IL22RA1: variants seen among roughly 807,000 people sequenced by gnomAD.
The protein encoded by IL22RA1 is interleukin 22 receptor subunit alpha 1, also known as interleukin-22 receptor subunit alpha-1.
A neutral mutation model predicts 32.8 loss-of-function variants in IL22RA1; 25 were observed. The ratio of observed to expected loss-of-function variants is 0.76; its 90% CI spans 0.55 to 1.06. IL22RA1 has a LOEUF of 1.06. Ranked by LOEUF, IL22RA1 falls within the 50% of genes least tolerant of loss-of-function variation. The probability of loss-of-function intolerance (pLI) is 0.00; values close to 1 mark genes in which losing one functional copy is unlikely to be tolerated. For synonymous variants in IL22RA1, 305 were observed against 305.0 expected (o/e 1.00, Z 0.00); for missense variants, 709 against 727.4 (o/e 0.97, Z 0.29).
Position 24,123,371 on chromosome 1 carries a change from G to A in IL22RA1, c.723C>T (p.Phe241=). 2 of 1,614,112 alleles carry A rather than the reference G, an allele frequency of 1.2e-6. No homozygotes were observed. Among genetic ancestry groups the A allele is most frequent in the Non-Finnish European group, 1.7e-6 (2 of 1,180,010 alleles). ...TCAGGTAGCAGAGTACTGCGACGAG[G>A]AAGCCCATGGAGAACAGGAAGGCTC... The part of the protein sequence containing the change: ...FSGAFLFSMG[F]LVAVLCYLSY... The change falls in exon 6 of 7, where the codon TTC becomes TTT. Residue 241 remains phenylalanine (F), a synonymous_variant. Transcript: ENST00000270800.
At chr1:24,138,443 G>A in intron 2 of IL22RA1, 139 bp downstream of exon 2, 1 of 876,534 alleles carries the variant, frequency 1.1e-6, no homozygotes, top group Admixed American at 2.6e-5. Flanking sequence ...AAACATAAAG[G>A]AGCAAAGCTT....
At position 24,121,638 on chromosome 1, in the gene IL22RA1, G is replaced by T; in HGVS notation, c.892C>A (p.Pro298Thr). ...ACCCTGATCTGGGAGTACTGGACAGGCTGGGCCAGACTGCTGGGGCCGCTG... is the reference window on the plus strand; with the variant it reads ...ACCCTGATCTGGGAGTACTGGACAGTCTGGGCCAGACTGCTGGGGCCGCTG... ...DLSGPSSLAQPVQYSQIRVSG... is the reference protein window; with the variant it reads ...DLSGPSSLAQTVQYSQIRVSG... The change falls in exon 7 of 7, where the codon CCT (proline) becomes ACT (threonine). Residue 298 changes from proline (P) to threonine (T), a missense_variant. Transcript: ENST00000270800. The T allele has an allele frequency of 6.2e-7, 1 of 1,612,050 alleles. No individual in the cohort carries two copies. Among genetic ancestry groups the T allele is most frequent in the Non-Finnish European group, 8.5e-7 (1 of 1,178,632 alleles).
At chr1:24,142,767 A>T (rs1179716722) in intron 1 of IL22RA1, among the ~76,000 whole-genome samples, 1 of 152,206 alleles carries the variant, frequency 6.6e-6, no homozygotes, top group Non-Finnish European at 1.5e-5. Context: ...GCAGCGATCC[A>T]GCACCCCCAG....
At chr1:24,141,932 A>G (rs1644283718) in intron 1 of IL22RA1, among the ~76,000 whole-genome samples, 1 of 152,222 alleles carries the variant, frequency 6.6e-6, no homozygotes, top group Non-Finnish European at 1.5e-5. Context: ...GAGTCAGCCT[A>G]AGATTGGGGG....
chr1:24,126,517 T>C (rs1282510406), intron 5 of IL22RA1, among the ~76,000 whole-genome samples: 1 of 152,190 alleles, frequency 6.6e-6, no homozygotes, highest in Admixed American at 6.5e-5. Flanking sequence ...AGGCACGTGG[T>C]TGGCTGACAT....
intron 1 of IL22RA1, among the ~76,000 whole-genome samples, chr1:24,141,384 C>A (rs577011365): frequency 6.6e-6 from 1 of 152,088 alleles, no homozygotes; most frequent in East Asian, 1.9e-4. Flanking sequence ...TGAGGGTGGG[C>A]TTTGAGAAGC....
rs1644176728 is a variant in IL22RA1, at chr1:24,128,015, AC to A, written c.670+125del. On this transcript the variant is annotated intron_variant, in intron 5 of 6. Coordinates refer to ENST00000270800, the MANE Select transcript of IL22RA1 (RefSeq NM_021258.4). ...ATAAACAAAGATTGACTTCAATAAC[AC>A]ACTGATAACCCTTCCATGGTTTTCT... 6.5e-6 allele frequency: 6 copies of A among 925,046 alleles called. No individual in the cohort carries two copies. In the East Asian group the frequency reaches 1.9e-4, roughly 29 times the overall value. 57.3% of individuals were successfully genotyped at this position (925,046 alleles called of 1,614,324 possible). A position where few individuals can be genotyped will look rare whatever the true frequency, so the allele number is the denominator to read the frequency against.
intron 6 of IL22RA1, 84 bp downstream of exon 6, chr1:24,123,218 C>T: frequency 1.3e-6 from 2 of 1,519,022 alleles, no homozygotes; most frequent in Non-Finnish European, 1.8e-6. Context: ...GTCTGTGGAT[C>T]CCTGCATTTT....
chr1:24,141,058 G>T (rs1436647240), intron 1 of IL22RA1, among the ~76,000 whole-genome samples: 1 of 152,254 alleles, frequency 6.6e-6, no homozygotes, highest in Non-Finnish European at 1.5e-5. Context: ...CAACCTCGAA[G>T]GCTGCCCTCC....
intron 1 of IL22RA1, among the ~76,000 whole-genome samples, chr1:24,139,647 C>T (rs533047075): frequency 6.6e-6 from 1 of 152,300 alleles, no homozygotes; most frequent in African/African-American, 2.4e-5. Flanking sequence ...AATCCTCGCA[C>T]CTCAGCCTCC....
At position 24,134,421 on chromosome 1, in the gene IL22RA1, AG is replaced by A. The variant is rs764281904; in HGVS notation, c.356-36del. 8 of 1,447,158 alleles carry A rather than the reference AG, an allele frequency of 5.5e-6. No individual in the cohort carries two copies. In the African/African-American group the frequency reaches 7.3e-5, roughly 13 times the overall value. 89.6% of individuals were successfully genotyped at this position (1,447,158 alleles called of 1,614,324 possible). ...GGGAGAGAGAAAAGAGAAAAGAAAA[AG>A]TCAGAATCGGTGGGTAGTGTCTGAG... On this transcript the variant is annotated intron_variant, in intron 3 of 6. Coordinates refer to ENST00000270800, the MANE Select transcript of IL22RA1 (RefSeq NM_021258.4).
intron 4 of IL22RA1, among the ~76,000 whole-genome samples, chr1:24,129,288 C>T (rs534999089): frequency 4.9e-4 from 74 of 152,304 alleles, no homozygotes; most frequent in Non-Finnish European, 9.1e-4. Flanking sequence ...TATCTGAACC[C>T]ATGGCTGCTG....
chr1:24,139,018 T>C (rs192591368), intron 1 of IL22RA1, among the ~76,000 whole-genome samples: 1 of 152,360 alleles, frequency 6.6e-6, no homozygotes, highest in East Asian at 1.9e-4. Context: ...AATGGTTTCT[T>C]AGCATTTTCA....
At chr1:24,128,084 A>G (rs2148571651) in intron 5 of IL22RA1, 57 bp downstream of exon 5, 1 of 1,470,248 alleles carries the variant, frequency 6.8e-7, no homozygotes, top group South Asian at 1.4e-5. Context: ...GAGGAAAGAG[A>G]AGAGTCAAGA....
rs200815886 is a variant in IL22RA1 at position 24,137,260 on chromosome 1, G to A, written c.226C>T (p.Arg76Trp). 18 of 1,614,142 alleles carry A rather than the reference G, an allele frequency of 1.1e-5. No homozygotes were observed. The highest frequency in any genetic ancestry group is 8.0e-5 in the African/African-American group (6 of 75,030). Residue 76 changes from arginine (R) to tryptophan (W), a missense_variant, in exon 3 of 7, where the codon CGG becomes TGG. Coordinates refer to ENST00000270800, the MANE Select transcript of IL22RA1 (RefSeq NM_021258.4). ...TCCACCGTCAGGTTGCAGGACTTCCGGGTGATCCGCTGACAGCCCTTCTTT... is the reference window on the plus strand; with the variant it reads ...TCCACCGTCAGGTTGCAGGACTTCCAGGTGATCCGCTGACAGCCCTTCTTT... ...VAKKGCQRIT[R>W]KSCNLTVETG...
intron 3 of IL22RA1, 70 bp from the exon 4 acceptor site, chr1:24,134,456 G>C: frequency 8.4e-7 from 1 of 1,185,530 alleles, no homozygotes; most frequent in Non-Finnish European, 1.1e-6. Context: ...AGGCAACCTT[G>C]GACAGTGGAA....
rs373831123 is a variant in IL22RA1 at position 24,121,358 on chromosome 1, G to A, written c.1172C>T (p.Ala391Val). The part of the protein sequence containing the change: ...AISKVQPSSY[A>V]PQATPDSWPP... ...CCAGCTGTCCGGAGTGGCTTGAGGG[G>A]CATAGGAGGAAGGCTGGACCTTAGA... Residue 391 changes from alanine (A) to valine (V), a missense_variant, in exon 7 of 7, where the codon GCC becomes GTC. Transcript: ENST00000270800. The A allele has an allele frequency of 3.1e-6, 5 of 1,588,762 alleles. No homozygotes were observed. Among genetic ancestry groups the A allele is most frequent in the Admixed American group, 1.7e-5 (1 of 58,280 alleles).
intron 4 of IL22RA1, among the ~76,000 whole-genome samples, chr1:24,133,334 A>G (rs75976473): frequency 0.018 from 2,707 of 151,724 alleles, 84 homozygotes; most frequent in African/African-American, 0.063. Context: ...ACCTCCCAAT[A>G]CCCATATTTT....
intron 1 of IL22RA1, among the ~76,000 whole-genome samples, chr1:24,141,161 G>T (rs901153818): frequency 6.6e-6 from 1 of 152,232 alleles, no homozygotes; most frequent in African/African-American, 2.4e-5. Flanking sequence ...CGCGGGGAGG[G>T]GTCTACTGCC....
Sources: allele counts gnomAD v4.1 joint callset (sites outside exome capture counted in the v4.1 genomes callset), GRCh38; gene constraint gnomAD v4.1.1; transcripts MANE v1.5; gene names NCBI Gene and HGNC (gene_info 2026-07-23, HGNC 2026-07-21).